Variants in DNAH8 observed in about 807,000 individuals in gnomAD.
DNAH8 encodes axonemal beta dynein heavy chain 8.
A neutral mutation model predicts 562.1 loss-of-function variants in DNAH8; 382 were observed. That is an observed-to-expected ratio of 0.68 (90% CI 0.63 to 0.74). The LOEUF is 0.74. DNAH8 is among the 30% of genes least tolerant of loss of function. The probability of loss-of-function intolerance (pLI) is 0.00; values close to 1 mark genes in which losing one functional copy is unlikely to be tolerated. For synonymous variants in DNAH8, 1,881 were observed against 1,919.4 expected (o/e 0.98, Z 0.52); for missense variants, 5,203 against 5,620.4 (o/e 0.93, Z 2.37).
intron 91 of DNAH8, among the ~76,000 whole-genome samples, chr6:39,016,550 CAAA>C (rs34460245): frequency 1.2e-4 from 11 of 95,254 alleles, no homozygotes; most frequent in Admixed American, 1.0e-4. Context: ...GACTCTGTCT[CAAA>C]AAAAAAAAAA....
chr6:38,870,446 T>C lies in DNAH8; in HGVS notation c.6874T>C (p.Phe2292Leu). 6.2e-7 allele frequency: 1 copy of C among 1,614,068 alleles called. No individual in the cohort carries two copies. Among genetic ancestry groups the C allele is most frequent in the South Asian group, 1.1e-5 (1 of 91,076 alleles). ...GTTCCTCAGCTTAATCAATGACCTG[T>C]TCCCAGGACTGCAACTGGATAGTAA... is the stretch of plus-strand genomic sequence containing the variant. Reference protein sequence around the residue: ...PLFLSLINDLFPGLQLDSNTY... With the variant: ...PLFLSLINDLLPGLQLDSNTY... Residue 2292 changes from phenylalanine to leucine, a missense_variant, in exon 49 of 93, where the codon TTC becomes CTC. Physicochemically the swap from Phe to Leu is conservative, Grantham distance 22. Coordinates refer to ENST00000327475, the MANE Select transcript of DNAH8 (RefSeq NM_001206927.2).
intron 62 of DNAH8, among the ~76,000 whole-genome samples, chr6:38,900,767 C>A (rs765471687): frequency 8.5e-5 from 13 of 152,112 alleles, no homozygotes; most frequent in Non-Finnish European, 1.8e-4. Flanking sequence ...CAGGAGTGTG[C>A]CACCATGCCC....
At chr6:38,957,866 C>CAAAAAAAAAAAAAAAAA (rs1209427701) in intron 82 of DNAH8, among the ~76,000 whole-genome samples, 64 of 75,862 alleles carry the variant, frequency 8.4e-4, no homozygotes, top group East Asian at 2.5e-3. Flanking sequence ...ATGCCTACAC[C>CAAAAAAAAAAAAAAAAA]AAAAAAAAAA....
chr6:38,958,168 A>AT (rs34427051), intron 82 of DNAH8, among the ~76,000 whole-genome samples: 41,874 of 148,598 alleles, frequency 0.28, 6,013 homozygotes, highest in Middle Eastern at 0.34. Flanking sequence ...CGCCTGACTA[A>AT]TTTTTTTTTT....
chr6:38,948,799 A>T (rs77180579), intron 80 of DNAH8, among the ~76,000 whole-genome samples: 1 of 152,178 alleles, frequency 6.6e-6, no homozygotes, highest in Non-Finnish European at 1.5e-5. Context: ...AGTCCTTTTC[A>T]TGCTTCTGAA....
intron 36 of DNAH8, 113 bp downstream of exon 36, chr6:38,845,886 G>T: frequency 1.2e-6 from 1 of 864,332 alleles, no homozygotes; most frequent in Non-Finnish European, 1.8e-6. Context: ...ACTAAATTTG[G>T]TATTATCTTG....
intron 65 of DNAH8, 39 bp downstream of exon 65, chr6:38,909,783 C>G: frequency 6.7e-7 from 1 of 1,494,018 alleles, no homozygotes; most frequent in Non-Finnish European, 9.3e-7. Flanking sequence ...TATGGAACCA[C>G]AGCATGTATT....
chr6:38,974,570 G>T, intron 85 of DNAH8, 41 bp downstream of exon 85: 1 of 1,570,012 alleles, frequency 6.4e-7, no homozygotes, highest in South Asian at 1.1e-5. Context: ...GAGATGGCCA[G>T]TGGTGTGCTG....
chr6:38,747,365 ATTTTCTTTTTTTCT>A (rs1437225611), intron 8 of DNAH8, among the ~76,000 whole-genome samples: 262 of 137,100 alleles, frequency 1.9e-3, no homozygotes, highest in Middle Eastern at 7.8e-3. Context: ...ACTGTTTGTC[ATTTTCTTTTTTTCT>A]TTTTCTTTTT....
intron 56 of DNAH8, among the ~76,000 whole-genome samples, chr6:38,886,395 A>C (rs1778927988): frequency 1.3e-5 from 2 of 152,126 alleles, no homozygotes; most frequent in South Asian, 4.2e-4. Flanking sequence ...AATATTGAAA[A>C]CTCAGGACAG....
At chr6:38,835,622 C>A (rs1774213209) in intron 32 of DNAH8, among the ~76,000 whole-genome samples, 1 of 152,084 alleles carries the variant, frequency 6.6e-6, no homozygotes, top group Non-Finnish European at 1.5e-5. Flanking sequence ...GCAGAATTTG[C>A]AGCTCATACA....
In DNAH8 at chr6:39,016,669, G is replaced by A. The variant is rs1322417624; in HGVS notation, c.13714+4032G>A. 2.0e-5 allele frequency among the ~76,000 whole-genome samples: 3 copies of A among 152,254 alleles called. No homozygotes were observed. In the East Asian group the frequency reaches 5.8e-4, roughly 29 times the overall value. On this transcript the variant is annotated intron_variant, in intron 91 of 92. Coordinates refer to ENST00000327475, the MANE Select transcript of DNAH8 (RefSeq NM_001206927.2). ...GTAATCAAAATCACCTGGACCATAAGGAAGACTATAGAACACCTGCAAAGG... is the reference window on the plus strand; with the variant it reads ...GTAATCAAAATCACCTGGACCATAAAGAAGACTATAGAACACCTGCAAAGG...
At position 38,945,508 on chromosome 6, in the gene DNAH8, T is replaced by C; in HGVS notation, c.12049T>C (p.Tyr4017His). Residue 4017 changes from tyrosine to histidine, a missense_variant, in exon 80 of 93, where the codon TAT becomes CAT. This residue lies in a region of DNAH8 where 1,399 missense variants were observed against 1,518.4 expected (regional missense o/e 0.92). Transcript: ENST00000327475. ...CCTGAAAGCCTGTCCTCCCAAACCC[T>C]ATCGCTGGATCCTTGACATGACTTG... The part of the protein sequence containing the change: ...LDLKACPPKP[Y>H]RWILDMTWLN... The C allele has an allele frequency of 6.2e-7, 1 of 1,614,172 alleles. No individual in the cohort carries two copies. Among genetic ancestry groups the C allele is most frequent in the South Asian group, 1.1e-5 (1 of 91,080 alleles).
At chr6:38,817,149 C>G (rs2150324303) in intron 26 of DNAH8, among the ~76,000 whole-genome samples, 1 of 152,256 alleles carries the variant, frequency 6.6e-6, no homozygotes, top group African/African-American at 2.4e-5. Flanking sequence ...TTGATATCAT[C>G]CTGGCCAACA....
chr6:38,928,701 T>G (rs1391151275), intron 74 of DNAH8, among the ~76,000 whole-genome samples: 2 of 152,154 alleles, frequency 1.3e-5, no homozygotes, highest in Non-Finnish European at 2.9e-5. Context: ...TTGCATCTTA[T>G]GGTCTGCACC....
intron 14 of DNAH8, among the ~76,000 whole-genome samples, chr6:38,779,388 T>C (rs188864227): frequency 1.3e-5 from 2 of 151,508 alleles, no homozygotes; most frequent in Admixed American, 6.6e-5. Flanking sequence ...TGTCTCTCTC[T>C]TTCTGTCTCT....
At chr6:38,851,534 A>C (rs1446719326) in intron 38 of DNAH8, 38 bp from the exon 39 acceptor site, 1 of 1,382,566 alleles carries the variant, frequency 7.2e-7, no homozygotes, top group South Asian at 1.3e-5. Context: ...TAGGGGAAAA[A>C]AAACCACTTG....
chr6:38,961,915 T>C (rs925803599), intron 82 of DNAH8, among the ~76,000 whole-genome samples: 1 of 151,924 alleles, frequency 6.6e-6, no homozygotes, highest in African/African-American at 2.4e-5. Context: ...GACAATATAA[T>C]TGTCTAACAA....
chr6:38,767,052 A>G (rs1036781269), intron 11 of DNAH8, among the ~76,000 whole-genome samples: 1 of 152,198 alleles, frequency 6.6e-6, no homozygotes, highest in East Asian at 1.9e-4. Flanking sequence ...AGTGGCATTA[A>G]CTACATTCAC....
Sources: gnomAD v4.1 joint callset for allele counts (sites outside exome capture counted in the v4.1 genomes callset) on GRCh38, gnomAD v4.1.1 for gene constraint, gnomAD v4.1.1 regional missense constraint, MANE v1.5 for transcripts, NCBI Gene and HGNC (gene_info 2026-07-23, HGNC 2026-07-21) for gene names.